DROSHA: variants seen among roughly 807,000 people sequenced by gnomAD.
DROSHA encodes the protein drosha ribonuclease III.
A neutral mutation model predicts 181.9 loss-of-function variants in DROSHA; 56 were observed. That is an observed-to-expected ratio of 0.31 (90% CI 0.25 to 0.38). The LOEUF is 0.38. DROSHA is among the 10% of genes least tolerant of loss of function. The pLI is 1.00. For synonymous variants in DROSHA, 524 were observed against 591.2 expected (o/e 0.89, Z 1.65); for missense variants, 1,218 against 1,743.5 (o/e 0.70, Z 5.37).
chr5:31,455,311 T>C (rs1176900719), intron 20 of DROSHA, among the ~76,000 whole-genome samples: 3 of 152,028 alleles, frequency 2.0e-5, no homozygotes, highest in Non-Finnish European at 4.4e-5. Context: ...TAATTACTAC[T>C]TCTTGAATGA....
At chr5:31,410,957 C>T in intron 30 of DROSHA, 70 bp from the exon 31 acceptor site, 1 of 1,583,992 alleles carries the variant, frequency 6.3e-7, no homozygotes, top group Non-Finnish European at 8.6e-7. Context: ...CTGGGTTGGA[C>T]CCAACTAGCC....
chr5:31,402,615 C>T (rs1295959669), intron 35 of DROSHA, among the ~76,000 whole-genome samples: 1 of 152,046 alleles, frequency 6.6e-6, no homozygotes, highest in Non-Finnish European at 1.5e-5. Flanking sequence ...GTCAGGTACC[C>T]CCATGGATAA....
Position 31,515,476 on chromosome 5 carries a change from G to A in DROSHA, c.1036C>T (p.Pro346Ser). ...EIIKNTDSWA[P>S]PLEIVNHRSP... ...TACTGATTCACAATCTCCAGGGGTG[G>A]GGCCCAAGAATCTGTATTTTTAATA... The change falls in exon 7 of 36, where the codon CCA becomes TCA. Residue 346 changes from proline (P) to serine (S), a missense_variant. This residue lies in a region of DROSHA where 536 missense variants were observed against 535.4 expected (regional missense o/e 1.00). Transcript: ENST00000344624. 7.0e-7 allele frequency: 1 copy of A among 1,425,030 alleles called. No individual in the cohort carries two copies. Among genetic ancestry groups the A allele is most frequent in the South Asian group, 1.2e-5 (1 of 81,544 alleles). The allele number at this position is 1,425,030 out of a possible 1,614,324, so 88.3% of individuals were successfully genotyped here. A position where few individuals can be genotyped will look rare whatever the true frequency, so the allele number is the denominator to read the frequency against.
chr5:31,526,014 T>C (rs1026411533), intron 5 of DROSHA, 65 bp downstream of exon 5: 1 of 1,451,664 alleles, frequency 6.9e-7, no homozygotes, highest in African/African-American at 1.4e-5. Context: ...TTGGTTGTCA[T>C]AAATGGAGAA....
At chr5:31,518,078 G>A (rs929068779) in intron 6 of DROSHA, among the ~76,000 whole-genome samples, 2 of 152,170 alleles carry the variant, frequency 1.3e-5, no homozygotes, top group Non-Finnish European at 2.9e-5. Flanking sequence ...AACTTAGATG[G>A]TATAGCCTAC....
At chr5:31,488,682 C>CT (rs1253912268) in intron 13 of DROSHA, among the ~76,000 whole-genome samples, 1 of 152,084 alleles carries the variant, frequency 6.6e-6, no homozygotes, top group African/African-American at 2.4e-5. Context: ...CATTCAAGTA[C>CT]TTTAAGTTAC....
Position 31,466,270 on chromosome 5 carries a change from A to G in DROSHA, c.2378T>C (p.Leu793Pro), listed in dbSNP as rs756116730. Residue 793 changes from leucine to proline, a missense_variant, in exon 19 of 36, where the codon CTG becomes CCG. By Grantham distance (98) the Leu-to-Pro change is moderately conservative. Transcript: ENST00000344624. ...SYAGDPQYQK[L>P]WKSYVKLRHL... ...GCGAAGTTTCACATAACTCTTCCAC[A>G]GTTTTTGGTACCTAAGGAAAAGGAC... 1.9e-6 allele frequency: 3 copies of G among 1,613,642 alleles called. No individual in the cohort carries two copies. The highest frequency in any genetic ancestry group is 1.7e-5 in the Admixed American group (1 of 60,012).
intron 10 of DROSHA, among the ~76,000 whole-genome samples, chr5:31,506,859 C>T (rs13190028): frequency 0.47 from 71,665 of 152,092 alleles, 20,823 homozygotes; most frequent in Non-Finnish European, 0.65. Flanking sequence ...CCTACATATT[C>T]AGCCCTTCAC....
In DROSHA at chr5:31,423,073, G is replaced by A. The variant is rs1742962361; in HGVS notation, c.3262-129C>T. ...CAGAAATTTCTGAAATGCCAATAAA[G>A]CATGGAAGCTCGTTTCTCATTTCTT... On this transcript the variant is annotated intron_variant, in intron 28 of 35. Coordinates refer to ENST00000344624, the MANE Select transcript of DROSHA (RefSeq NM_001382508.1). 7.4e-6 allele frequency: 6 copies of A among 815,204 alleles called. No individual in the cohort carries two copies. In the East Asian group the frequency reaches 1.2e-4, roughly 16 times the overall value. 50.5% of individuals were successfully genotyped at this position (815,204 alleles called of 1,614,324 possible).
rs1310171844 is a variant in DROSHA at position 31,470,455 on chromosome 5, TG to T, written c.2241+1607del. Among the ~76,000 whole-genome samples the T allele has an allele frequency of 1.3e-5, 2 of 151,208 alleles. No individual in the cohort carries two copies. Among genetic ancestry groups the T allele is most frequent in the African/African-American group, 4.9e-5 (2 of 41,042 alleles). On this transcript the variant is annotated intron_variant, in intron 17 of 35. Transcript: ENST00000344624. This position sits in a 1 kb window ranked among gnomAD's most constrained non-coding sequence, Gnocchi z 4.0. ...GTTTGGTGCAAAAATAGTTGCGGTA[TG>T]GCAGACCCCCGCAACTACTTTTGTG... is the stretch of plus-strand genomic sequence containing the variant.
At chr5:31,475,364 G>A (rs1268293298) in intron 16 of DROSHA, among the ~76,000 whole-genome samples, 4 of 152,116 alleles carry the variant, frequency 2.6e-5, no homozygotes, top group African/African-American at 9.7e-5. Context: ...CCACCTGCTT[G>A]TGACATGTGT....
chr5:31,433,382 A>G (rs764739402), intron 25 of DROSHA, among the ~76,000 whole-genome samples: 1 of 152,184 alleles, frequency 6.6e-6, no homozygotes, highest in Non-Finnish European at 1.5e-5. Context: ...CACTGGGAAA[A>G]TTTAATTGTT....
rs763805143 is a variant in DROSHA, at chr5:31,514,952, C to A, written c.1290+36G>T. The A allele has an allele frequency of 6.3e-7, 1 of 1,595,966 alleles. No individual in the cohort carries two copies. Among genetic ancestry groups the A allele is most frequent in the East Asian group, 2.2e-5 (1 of 44,770 alleles). On this transcript the variant is annotated intron_variant, in intron 8 of 35. Transcript: ENST00000344624. This position sits in a 1 kb window ranked among gnomAD's most constrained non-coding sequence, Gnocchi z 4.4. ...GGCCAATAGTGACAACGCCGAGAAG[C>A]CCTAGTCTACAGCTTGTCTGCTACT...
intron 20 of DROSHA, among the ~76,000 whole-genome samples, chr5:31,459,190 T>C (rs941333563): frequency 1.3e-5 from 2 of 152,172 alleles, no homozygotes; most frequent in African/African-American, 4.8e-5. Context: ...TCAGAGTTCA[T>C]TATACTTTTC....
chr5:31,490,190 T>C (rs1446889522), intron 13 of DROSHA, among the ~76,000 whole-genome samples: 3 of 151,142 alleles, frequency 2.0e-5, no homozygotes, highest in Non-Finnish European at 4.4e-5. Context: ...TCCTTTTTTT[T>C]TTTTTTTTTA....
Position 31,406,937 on chromosome 5 carries a change from T to A in DROSHA, c.3863A>T (p.Gln1288Leu), listed in dbSNP as rs1740723812. 1.2e-6 allele frequency: 2 copies of A among 1,613,152 alleles called. No homozygotes were observed. Among genetic ancestry groups the A allele is most frequent in the Non-Finnish European group, 1.7e-6 (2 of 1,179,544 alleles). ...EPDIPLYKTL[Q>L]TVGPSHARTY... ...TCGGGCATGGGATGGGCCCACTGTC[T>A]GCAGAGTCCTGAAAGGGAAAGGAAA... The change falls in exon 34 of 36, where the codon CAG (glutamine) becomes CTG (leucine). Residue 1288 changes from glutamine to leucine, a missense_variant. By Grantham distance (113) the Gln-to-Leu change is moderately radical (BLOSUM62 -2). This residue lies in a region of DROSHA where 48 missense variants were observed against 124.9 expected (regional missense o/e 0.38). Transcript: ENST00000344624.
chr5:31,423,000 A>G lies in DROSHA; in HGVS notation c.3262-56T>C, dbSNP rs111238074. ...TTTTTTCATTTTTGGTTGTAAGTGC[A>G]ATGATCAATTCTAGGACAGTGTTTT... On this transcript the variant is annotated intron_variant, in intron 28 of 35. Coordinates refer to ENST00000344624, the MANE Select transcript of DROSHA (RefSeq NM_001382508.1). 7.9e-5 allele frequency: 113 copies of G among 1,435,656 alleles called. No homozygotes were observed. In the African/African-American group the frequency reaches 1.3e-3, roughly 17 times the overall value. 88.9% of individuals were successfully genotyped at this position (1,435,656 alleles called of 1,614,324 possible).
At chr5:31,492,943 CA>C (rs1290378799) in intron 13 of DROSHA, among the ~76,000 whole-genome samples, 2 of 152,170 alleles carry the variant, frequency 1.3e-5, no homozygotes, top group African/African-American at 4.8e-5. Context: ...CCTCCTTTTC[CA>C]ATCTTTCACA....
intron 24 of DROSHA, 24 bp downstream of exon 24, chr5:31,437,215 T>TA (rs1278835980): frequency 3.9e-6 from 6 of 1,556,456 alleles, no homozygotes; most frequent in African/African-American, 1.4e-5. Flanking sequence ...TGAGGAATTG[T>TA]AAAAAACAAA....
Sources: gnomAD v4.1 joint callset for allele counts (sites outside exome capture counted in the v4.1 genomes callset) on GRCh38, gnomAD v4.1.1 for gene constraint, gnomAD v4.1.1 regional missense constraint, Gnocchi (gnomAD v3.1) non-coding constraint, MANE v1.5 for transcripts, NCBI Gene and HGNC (gene_info 2026-07-23, HGNC 2026-07-21) for gene names.